The following RBFOX3 variants were observed in gnomAD, a reference collection of about 807,000 sequenced individuals.
RBFOX3 encodes RNA binding fox-1 homolog 3, also known as RNA binding protein fox-1 homolog 3.
Under a neutral mutation model 48.7 loss-of-function variants are expected in RBFOX3, and 17 were observed. That is an observed-to-expected ratio of 0.35 (90% CI 0.24 to 0.52). The LOEUF (loss-of-function observed/expected upper bound fraction) is 0.52, where lower values mean the gene tolerates loss of function less well. RBFOX3 is among the 20% of genes least tolerant of loss of function. The pLI, the probability that RBFOX3 is intolerant of heterozygous loss-of-function variation, is 0.94. For missense variants in RBFOX3, 382 were observed against 497.5 expected (o/e 0.77, Z 2.21); for synonymous variants, 212 against 209.5 (o/e 1.01, Z -0.10).
intron 4 of RBFOX3, among the ~76,000 whole-genome samples, chr17:79,139,871 C>A (rs1027864969): frequency 3.0e-4 from 46 of 152,196 alleles, no homozygotes; most frequent in African/African-American, 1.1e-3. Context: ...CTGACTTCAT[C>A]CCAGCCAGAC....
chr17:79,094,656 G>C (rs1326312155), intron 13 of RBFOX3, 127 bp from the exon 14 acceptor site: 1 of 558,592 alleles, frequency 1.8e-6, no homozygotes, highest in East Asian at 3.5e-5. Context: ...CCATCTGCAA[G>C]GCACCCTCCC....
At chr17:79,653,858 C>G in the RBFOX3 span, among the ~76,000 whole-genome samples, 52 of 102,268 alleles carry the variant, frequency 5.1e-4, 1 homozygote, top group South Asian at 0.016. Flanking sequence ...GCCTAGGCAA[C>G]ATAGCAGGAC....
At position 79,106,605 on chromosome 17, in the gene RBFOX3, T is replaced by C. The variant is rs886191700; in HGVS notation, c.360+46A>G. On this transcript the variant is annotated intron_variant, in intron 6 of 14. Transcript: ENST00000693108. Reference sequence around the variant, plus strand: ...GGGCCTGTGGGCGCCACCCTGGAGCTGGGGCAGGTGTGGAGGGCAGGATGG... The same window carrying C: ...GGGCCTGTGGGCGCCACCCTGGAGCCGGGGCAGGTGTGGAGGGCAGGATGG... The C allele has an allele frequency of 3.5e-6, 5 of 1,411,026 alleles. No homozygotes were observed. In the African/African-American group the frequency reaches 6.1e-5, roughly 17 times the overall value. 87.4% of individuals were successfully genotyped at this position (1,411,026 alleles called of 1,614,324 possible). A position where few individuals can be genotyped will look rare whatever the true frequency, so the allele number is the denominator to read the frequency against.
At chr17:79,186,832 C>T (rs1165758722) in intron 4 of RBFOX3, among the ~76,000 whole-genome samples, 3 of 152,220 alleles carry the variant, frequency 2.0e-5, no homozygotes, top group Non-Finnish European at 2.9e-5. Context: ...CCGATGGTTC[C>T]AAGGCTTTGG....
chr17:79,426,697 G>T (rs1178230431), intron 2 of RBFOX3, among the ~76,000 whole-genome samples: 2 of 152,026 alleles, frequency 1.3e-5, no homozygotes, highest in East Asian at 3.9e-4. Flanking sequence ...TGTGTTTTTT[G>T]TTTGTTTGTT....
intron 3 of RBFOX3, among the ~76,000 whole-genome samples, chr17:79,236,899 CTTTA>C (rs2147911855): frequency 6.6e-6 from 1 of 152,284 alleles, no homozygotes; most frequent in Non-Finnish European, 1.5e-5. Context: ...GATTTCCTTC[CTTTA>C]TTTTAGTAAT....
chr17:79,315,547 G>A (rs2077420790), intron 2 of RBFOX3, among the ~76,000 whole-genome samples: 1 of 152,176 alleles, frequency 6.6e-6, no homozygotes, highest in Admixed American at 6.5e-5. Flanking sequence ...CACACTTGCT[G>A]GCCACTGCGG....
chr17:79,334,122 C>A (rs926118310), intron 2 of RBFOX3, among the ~76,000 whole-genome samples: 1 of 152,190 alleles, frequency 6.6e-6, no homozygotes, highest in African/African-American at 2.4e-5. Context: ...TCCATCACCT[C>A]TTCCTGTTTC....
At chr17:79,339,744 G>A (rs1031171158) in intron 2 of RBFOX3, among the ~76,000 whole-genome samples, 1 of 152,192 alleles carries the variant, frequency 6.6e-6, no homozygotes, top group South Asian at 2.1e-4. Flanking sequence ...TGGGGTCTGG[G>A]TCCTCATTTT....
At chr17:79,176,386 C>T (rs2050544287) in intron 4 of RBFOX3, among the ~76,000 whole-genome samples, 1 of 152,210 alleles carries the variant, frequency 6.6e-6, no homozygotes, top group Non-Finnish European at 1.5e-5. Context: ...CCCCCAGCAC[C>T]CCCCAAGCAG....
In RBFOX3 at chr17:79,095,524, G is replaced by C. The variant is rs1489935850; in HGVS notation, c.987C>G (p.Ala329=). The change falls in exon 13 of 15, where the codon GCC becomes GCG. Residue 329 remains alanine, a synonymous_variant. Coordinates refer to ENST00000693108, the MANE Select transcript of RBFOX3 (RefSeq NM_001350451.2). ...RYAQPAAAAA[A]YSDSYGRVYA... ...GCCCCCGGCCTCACCTGTCGCTGTA[G>C]GCTGCCGCCGCTGCAGCGGGCTGAG... 1 of 1,551,256 alleles carries C rather than the reference G, an allele frequency of 6.4e-7. No homozygotes were observed. Among genetic ancestry groups the C allele is most frequent in the South Asian group, 1.2e-5 (1 of 84,010 alleles).
chr17:79,230,441 A>T (rs1018244750), intron 4 of RBFOX3, among the ~76,000 whole-genome samples: 2 of 151,574 alleles, frequency 1.3e-5, no homozygotes, highest in Non-Finnish European at 2.9e-5. Context: ...TTGTATTTTT[A>T]GTAGAGATGG....
chr17:79,161,884 T>C (rs2047059274), intron 4 of RBFOX3, among the ~76,000 whole-genome samples: 1 of 152,196 alleles, frequency 6.6e-6, no homozygotes, highest in Non-Finnish European at 1.5e-5. Flanking sequence ...TGAGCCACCG[T>C]GCCTGGCCAC....
intron 2 of RBFOX3, among the ~76,000 whole-genome samples, chr17:79,370,440 AC>A: frequency 6.6e-6 from 1 of 152,234 alleles, no homozygotes; most frequent in Admixed American, 6.5e-5. Flanking sequence ...ACATGCACAC[AC>A]CCTGATGTGC....
chr17:79,651,191 G>A, the RBFOX3 span, among the ~76,000 whole-genome samples: 2,029 of 152,256 alleles, frequency 0.013, 36 homozygotes, highest in African/African-American at 0.047. Flanking sequence ...CCCCTACCAG[G>A]GCTTCCTCCA....
intron 4 of RBFOX3, among the ~76,000 whole-genome samples, chr17:79,196,947 CA>C (rs1274949971): frequency 6.6e-6 from 1 of 152,200 alleles, no homozygotes; most frequent in African/African-American, 2.4e-5. Flanking sequence ...AAGTGGAAAC[CA>C]GCCACAGACC....
chr17:79,663,001 T>A, the RBFOX3 span, among the ~76,000 whole-genome samples: 1 of 152,174 alleles, frequency 6.6e-6, no homozygotes. Flanking sequence ...TCAGCCAAAT[T>A]TAAGGAAATC....
At chr17:79,444,785 A>C (rs114743597) in intron 2 of RBFOX3, among the ~76,000 whole-genome samples, 4,339 of 152,022 alleles carry the variant, frequency 0.029, 95 homozygotes, top group Middle Eastern at 0.045. Context: ...ATACATTCAG[A>C]TATATATATA....
At chr17:79,176,050 T>C (rs549906754) in intron 4 of RBFOX3, among the ~76,000 whole-genome samples, 5 of 152,180 alleles carry the variant, frequency 3.3e-5, no homozygotes, top group Non-Finnish European at 7.4e-5. Context: ...GACAGGGTCC[T>C]TTACTCTGGA....
Sources: gnomAD v4.1 joint callset for allele counts (sites outside exome capture counted in the v4.1 genomes callset) on GRCh38, gnomAD v4.1.1 for gene constraint, MANE v1.5 for transcripts, NCBI Gene and HGNC (gene_info 2026-07-23, HGNC 2026-07-21) for gene names.